The following SAMTOR variants were observed in gnomAD, a reference collection of about 807,000 sequenced individuals.
The protein encoded by SAMTOR is UPF0532 protein C7orf60.
At chr7:112,824,225 C>T in the SAMTOR span, among the ~76,000 whole-genome samples, 1 of 152,098 alleles carries the variant, frequency 6.6e-6, no homozygotes, top group Non-Finnish European at 1.5e-5. Flanking sequence ...ATGTTGCTTT[C>T]AAAGTCAGGT....
chr7:112,915,165 G>A, the SAMTOR span: 4 of 639,516 alleles, frequency 6.3e-6, no homozygotes, highest in African/African-American at 3.8e-5. Context: ...TTGAACCCGG[G>A]AGGTGGAGGT....
At chr7:112,885,560 CAGTTCCCAACT>C in the SAMTOR span, among the ~76,000 whole-genome samples, 23 of 152,254 alleles carry the variant, frequency 1.5e-4, no homozygotes, top group Non-Finnish European at 3.4e-4. Flanking sequence ...ACCCTTACTC[CAGTTCCCAACT>C]AGTTCCCCAT....
At chr7:112,931,436 C>T in the SAMTOR span, among the ~76,000 whole-genome samples, 2 of 152,122 alleles carry the variant, frequency 1.3e-5, no homozygotes, top group South Asian at 2.1e-4. Context: ...AAAATACTTA[C>T]TCCAAAATGC....
the SAMTOR span, among the ~76,000 whole-genome samples, chr7:112,873,175 C>G: frequency 1.3e-5 from 2 of 151,950 alleles, no homozygotes; most frequent in Non-Finnish European, 2.9e-5. Flanking sequence ...CTCTTCCTAT[C>G]AAATCACCAA....
the SAMTOR span, among the ~76,000 whole-genome samples, chr7:112,827,965 T>C: frequency 6.6e-6 from 1 of 152,158 alleles, no homozygotes; most frequent in Admixed American, 6.5e-5. Flanking sequence ...TCCTTCTGCA[T>C]TGGCCTCCCA....
At chr7:112,927,392 T>C in the SAMTOR span, among the ~76,000 whole-genome samples, 4 of 152,100 alleles carry the variant, frequency 2.6e-5, no homozygotes, top group African/African-American at 9.7e-5. Flanking sequence ...ATGAAAGGTC[T>C]AGTCAACACA....
At chr7:112,937,631 T>A in the SAMTOR span, among the ~76,000 whole-genome samples, 1 of 151,388 alleles carries the variant, frequency 6.6e-6, no homozygotes, top group African/African-American at 2.4e-5. Flanking sequence ...TTCTGCTAAT[T>A]CACTGATGGG....
the SAMTOR span, chr7:112,939,454 C>G: frequency 7.2e-7 from 1 of 1,390,642 alleles, no homozygotes; most frequent in Non-Finnish European, 9.7e-7. Context: ...AGACCAGGCC[C>G]GGGAGAGCAG....
the SAMTOR span, among the ~76,000 whole-genome samples, chr7:112,936,462 C>T: frequency 6.6e-6 from 1 of 152,296 alleles, no homozygotes; most frequent in East Asian, 1.9e-4. Context: ...TGCATTAAGC[C>T]TACCTGCTAC....
At chr7:112,905,479 T>A in the SAMTOR span, among the ~76,000 whole-genome samples, 1 of 152,080 alleles carries the variant, frequency 6.6e-6, no homozygotes, top group South Asian at 2.1e-4. Context: ...ACAATAATAC[T>A]TATCTGATCT....
chr7:112,919,459 G>A, the SAMTOR span, among the ~76,000 whole-genome samples: 1 of 150,996 alleles, frequency 6.6e-6, no homozygotes, highest in African/African-American at 2.4e-5. Flanking sequence ...GTGTGTAGAG[G>A]GAAATTTATA....
chr7:112,849,955 C>A, the SAMTOR span, among the ~76,000 whole-genome samples: 1 of 151,936 alleles, frequency 6.6e-6, no homozygotes, highest in Non-Finnish European at 1.5e-5. Flanking sequence ...GCCTGTAATC[C>A]CAGCACTTTG....
chr7:112,860,912 CAA>C, the SAMTOR span, among the ~76,000 whole-genome samples: 2 of 45,924 alleles, frequency 4.4e-5, no homozygotes, highest in African/African-American at 1.6e-4. Flanking sequence ...GACTCTGTCT[CAA>C]AAAAAAAAAA....
At chr7:112,864,987 C>T in the SAMTOR span, among the ~76,000 whole-genome samples, 1 of 152,210 alleles carries the variant, frequency 6.6e-6, no homozygotes, top group Admixed American at 6.5e-5. Flanking sequence ...CTCCTGGACT[C>T]AAGTGATCCG....
the SAMTOR span, among the ~76,000 whole-genome samples, chr7:112,907,296 T>C: frequency 6.6e-6 from 1 of 152,118 alleles, no homozygotes; most frequent in Non-Finnish European, 1.5e-5. Context: ...GAAAAAAAAT[T>C]AGATCAATAC....
the SAMTOR span, among the ~76,000 whole-genome samples, chr7:112,878,797 T>G: frequency 6.6e-6 from 1 of 152,114 alleles, no homozygotes; most frequent in East Asian, 1.9e-4. Flanking sequence ...GTGACATCAC[T>G]AAAAAGTTTT....
chr7:112,915,238 GGA>G, the SAMTOR span: 1 of 1,436,738 alleles, frequency 7.0e-7, no homozygotes, highest in Non-Finnish European at 9.4e-7. Flanking sequence ...CTCCGTCTCA[GGA>G]AAAAAAAAAA....
At chr7:112,826,252 T>C in the SAMTOR span, among the ~76,000 whole-genome samples, 1 of 152,200 alleles carries the variant, frequency 6.6e-6, no homozygotes, top group African/African-American at 2.4e-5. Flanking sequence ...TATTATTTCT[T>C]CTGTAAATAT....
At chr7:112,882,905 T>A in the SAMTOR span, among the ~76,000 whole-genome samples, 1 of 152,104 alleles carries the variant, frequency 6.6e-6, no homozygotes, top group African/African-American at 2.4e-5. Flanking sequence ...AGAAATGAAC[T>A]GCTAACTTAA....
Sources: allele counts gnomAD v4.1 joint callset (sites outside exome capture counted in the v4.1 genomes callset), GRCh38; gene constraint gnomAD v4.1.1; transcripts MANE v1.5; gene names NCBI Gene and HGNC (gene_info 2026-07-23, HGNC 2026-07-21).